TACC1: variants seen among roughly 807,000 people sequenced by gnomAD.
TACC1 encodes the protein transforming acidic coiled-coil-containing protein 1.
In TACC1, 48 loss-of-function variants were observed where a neutral mutation model predicts 84.4. The observed-to-expected ratio is 0.57, with a 90% confidence interval of 0.45 to 0.72. TACC1 has a LOEUF of 0.72. Ranked by LOEUF, TACC1 falls within the 30% of genes least tolerant of loss-of-function variation. TACC1 has a pLI of 0.00. For synonymous variants in TACC1, 372 were observed against 376.3 expected, an observed-to-expected ratio of 0.99 and a Z score of 0.13; for missense variants, 920 against 973.0, an observed-to-expected ratio of 0.95 and a Z score of 0.72.
At chr8:38,762,705 C>A (rs1266217261) in intron 3 of TACC1, among the ~76,000 whole-genome samples, 1 of 152,050 alleles carries the variant, frequency 6.6e-6, no homozygotes, top group Non-Finnish European at 1.5e-5. Context: ...TACAGGCATG[C>A]GTCACCAGGC....
At chr8:38,772,420 G>A (rs528687407) in intron 3 of TACC1, among the ~76,000 whole-genome samples, 2 of 152,214 alleles carry the variant, frequency 1.3e-5, no homozygotes, top group Non-Finnish European at 2.9e-5. Context: ...CATATGCATG[G>A]GATTGCTCAT....
chr8:38,757,005 A>G (rs1810178393), intron 3 of TACC1, among the ~76,000 whole-genome samples: 1 of 152,036 alleles, frequency 6.6e-6, no homozygotes, highest in Non-Finnish European at 1.5e-5. Flanking sequence ...AGCGCCCTCC[A>G]CCTGCTGCCC....
chr8:38,820,458 A>T lies in TACC1; in HGVS notation c.1214A>T (p.Asn405Ile). 6.2e-7 allele frequency: 1 copy of T among 1,613,866 alleles called. No homozygotes were observed. The highest frequency in any genetic ancestry group is 8.5e-7 in the Non-Finnish European group (1 of 1,179,960). Residue 405 changes from asparagine to isoleucine, a missense_variant, in exon 3 of 13, where the codon AAC becomes ATC. Transcript: ENST00000317827. The stretch of plus-strand genomic sequence containing the variant: ...TTTGGGAGCCACTCTGTTCTGCAGA[A>T]CTCCCCACCCCTCTCTTCTGAGGGC... The part of the protein sequence containing the change: ...NPFGSHSVLQ[N>I]SPPLSSEGSY...
chr8:38,814,410 A>G (rs939338981), intron 2 of TACC1, among the ~76,000 whole-genome samples: 1 of 152,220 alleles, frequency 6.6e-6, no homozygotes, highest in Admixed American at 6.5e-5. Flanking sequence ...TTATAATACC[A>G]TATTTTTACT....
chr8:38,819,745 A>G lies in TACC1; in HGVS notation c.501A>G (p.Gly167=), dbSNP rs1405778496. Reference sequence around the variant, plus strand: ...CCACGGATATCTCGGCAGTCCTCGGAACAAAAGCAGCTCATGGCTGTGTAA... The same window carrying G: ...CCACGGATATCTCGGCAGTCCTCGGGACAAAAGCAGCTCATGGCTGTGTAA... The part of the protein sequence containing the change: ...KDSTDISAVL[G]TKAAHGCVTA... The change falls in exon 3 of 13, where the codon GGA becomes GGG. Residue 167 remains glycine, a synonymous_variant. Transcript: ENST00000317827. 6.2e-7 allele frequency: 1 copy of G among 1,614,090 alleles called. No homozygotes were observed. Among genetic ancestry groups the G allele is most frequent in the East Asian group, 2.2e-5 (1 of 44,884 alleles).
Position 38,775,981 on chromosome 8 carries a change from C to T in TACC1, c.27-12723C>T, listed in dbSNP as rs150419372. 9.9e-5 allele frequency among the ~76,000 whole-genome samples: 15 copies of T among 151,752 alleles called. No homozygotes were observed. The East Asian group carries it at 2.7e-3, about 27-fold the overall frequency. On this transcript the variant is annotated intron_variant, in intron 3 of 14. Transcript: ENST00000518415. The stretch of plus-strand genomic sequence containing the variant: ...ATTTTGTGTGTGTGCTAGAAATCGT[C>T]ACTAGCACCAGTTAGTGTTGAAGCC...
chr8:38,846,276 T>A (rs1588169760), intron 11 of TACC1: 1 of 89,910 alleles, frequency 1.1e-5, no homozygotes, highest in Admixed American at 1.8e-4. Flanking sequence ...AGAGCGAGAC[T>A]CCATCTCAAA....
intron 3 of TACC1, among the ~76,000 whole-genome samples, chr8:38,766,790 C>T (rs1812337679): frequency 6.6e-6 from 1 of 152,118 alleles, no homozygotes; most frequent in African/African-American, 2.4e-5. Context: ...GAAACTAAGG[C>T]CACAGAGCTA....
At chr8:38,733,871 G>GGAAACA (rs1398075052) in intron 1 of TACC1, among the ~76,000 whole-genome samples, 2 of 152,146 alleles carry the variant, frequency 1.3e-5, no homozygotes, top group African/African-American at 4.8e-5. Flanking sequence ...TTATTTTGCT[G>GGAAACA]GAAACAAGAG....
intron 3 of TACC1, among the ~76,000 whole-genome samples, chr8:38,766,848 A>G (rs1449493353): frequency 6.6e-6 from 1 of 152,206 alleles, no homozygotes. Flanking sequence ...ACAAATTACC[A>G]GTCAATTCCA....
chr8:38,792,038 A>AT (rs1015553476), intron 2 of TACC1, among the ~76,000 whole-genome samples: 2 of 152,146 alleles, frequency 1.3e-5, no homozygotes, highest in East Asian at 1.9e-4. Flanking sequence ...AAGGTTGTAG[A>AT]TTTTTTTTGA....
intron 9 of TACC1, chr8:38,840,689 G>A (rs1462382964): frequency 1.3e-5 from 2 of 156,316 alleles, no homozygotes; most frequent in African/African-American, 4.8e-5. Flanking sequence ...CTTAGATACA[G>A]TCGTCTCATT....
intron 2 of TACC1, among the ~76,000 whole-genome samples, chr8:38,794,177 T>C (rs1587736432): frequency 1.3e-5 from 2 of 152,316 alleles, no homozygotes; most frequent in African/African-American, 2.4e-5. Context: ...TAAGGAGGAA[T>C]AAAAATTATT....
At chr8:38,750,368 T>G (rs913588599) in intron 3 of TACC1, among the ~76,000 whole-genome samples, 1 of 152,178 alleles carries the variant, frequency 6.6e-6, no homozygotes, top group African/African-American at 2.4e-5. Flanking sequence ...CCTACTACAA[T>G]GTGAAAAATC....
chr8:38,803,053 G>T lies in TACC1; in HGVS notation c.277+14234G>T, dbSNP rs75080049. ...TTTATTTTTTGATACTGTTATAAAT[G>T]GAATTGTTTTCTTAATTTTTTTTGG... is the stretch of plus-strand genomic sequence containing the variant. On this transcript the variant is annotated intron_variant, in intron 2 of 12. Coordinates refer to ENST00000317827, the MANE Select transcript of TACC1 (RefSeq NM_006283.3). 3.5e-4 allele frequency among the ~76,000 whole-genome samples: 53 copies of T among 152,236 alleles called. No homozygotes were observed. In the East Asian group the frequency reaches 0.01, roughly 29 times the overall value.
At chr8:38,757,083 C>A (rs1428903121) in intron 3 of TACC1, among the ~76,000 whole-genome samples, 1 of 152,214 alleles carries the variant, frequency 6.6e-6, no homozygotes, top group African/African-American at 2.4e-5. Flanking sequence ...CAGCCCCGCA[C>A]GCCCCAGGGG....
In TACC1 at chr8:38,738,022, C is replaced by T. The variant is rs537326274; in HGVS notation, c.-674-4329C>T. Among the ~76,000 whole-genome samples the T allele has an allele frequency of 1.1e-4, 17 of 152,134 alleles. 1 individual carries two copies. Among genetic ancestry groups the T allele is most frequent in the Middle Eastern group, 3.4e-3 (1 of 294 alleles). On this transcript the variant is annotated intron_variant, in intron 1 of 14. Coordinates refer to the TACC1 transcript ENST00000518415. ...GATTATAGGCATGAGTCACTGCGCCCGGCCTGGGAACCATTCTTTAAGGGA... is the reference window on the plus strand; with the variant it reads ...GATTATAGGCATGAGTCACTGCGCCTGGCCTGGGAACCATTCTTTAAGGGA...
intron 4 of TACC1, among the ~76,000 whole-genome samples, chr8:38,826,579 A>G (rs577990826): frequency 4.6e-5 from 7 of 152,296 alleles, no homozygotes; most frequent in African/African-American, 1.4e-4. Context: ...AAGACTTTCA[A>G]CCATGCAGAT....
intron 3 of TACC1, among the ~76,000 whole-genome samples, chr8:38,778,496 C>G (rs1323019414): frequency 1.3e-5 from 2 of 152,194 alleles, no homozygotes; most frequent in Non-Finnish European, 2.9e-5. Context: ...CCAGCTGAAC[C>G]ACTCCTGAGC....
Sources: gnomAD v4.1 joint callset for allele counts (sites outside exome capture counted in the v4.1 genomes callset) on GRCh38, gnomAD v4.1.1 for gene constraint, MANE v1.5 for transcripts, NCBI Gene and HGNC (gene_info 2026-07-23, HGNC 2026-07-21) for gene names.